The following PKHD1L1 variants were observed in gnomAD, a reference collection of about 807,000 sequenced individuals.
PKHD1L1 encodes the protein fibrocystin-L.
PKHD1L1 carries 434 observed loss-of-function variants against 462.9 expected under a neutral mutation model. That is an observed-to-expected ratio of 0.94 (90% confidence interval 0.87 to 1.02). PKHD1L1 has a LOEUF of 1.02. Ranked by LOEUF, PKHD1L1 falls within the 50% of genes least tolerant of loss-of-function variation. The pLI is 0.00. For synonymous variants in PKHD1L1, 1,781 were observed against 1,750.0 expected (o/e 1.02, Z -0.44); for missense variants, 5,202 against 5,096.1 (o/e 1.02, Z -0.63).
At chr8:109,488,567 G>A (rs1818670200) in intron 59 of PKHD1L1, among the ~76,000 whole-genome samples, 1 of 151,994 alleles carries the variant, frequency 6.6e-6, no homozygotes, top group South Asian at 2.1e-4. Flanking sequence ...GGTACTAGGA[G>A]TAGACCATCC....
At chr8:109,465,324 G>C in intron 49 of PKHD1L1, 79 bp downstream of exon 49, 1 of 1,439,192 alleles carries the variant, frequency 6.9e-7, no homozygotes, top group Non-Finnish European at 9.4e-7. Flanking sequence ...TGTTAAAGCA[G>C]ACTTAGGTGC....
intron 50 of PKHD1L1, among the ~76,000 whole-genome samples, chr8:109,468,718 G>A (rs1817571159): frequency 6.6e-6 from 1 of 152,178 alleles, no homozygotes; most frequent in African/African-American, 2.4e-5. Flanking sequence ...GGTGGGCCAT[G>A]TTAGCATGTT....
Position 109,382,572 on chromosome 8 carries a change from G to A in PKHD1L1, c.417+1G>A, listed in dbSNP as rs767214586. 8.1e-6 allele frequency: 13 copies of A among 1,604,432 alleles called. No individual in the cohort carries two copies. Among genetic ancestry groups the A allele is most frequent in the African/African-American group, 6.7e-5 (5 of 74,308 alleles). ...CAACAGCTGGGAATGTACCTTCAAC[G>A]TATGTAGGAATCTTCTCTTCAGTTT... On this transcript the variant is annotated splice_donor_variant, in intron 4 of 77. Transcript: ENST00000378402. LOFTEE classifies it high-confidence loss of function.
At chr8:109,365,476 C>T (rs1449973133) in intron 2 of PKHD1L1, among the ~76,000 whole-genome samples, 1 of 152,056 alleles carries the variant, frequency 6.6e-6, no homozygotes, top group African/African-American at 2.4e-5. Flanking sequence ...TATACTTCTA[C>T]ATTATAAACA....
intron 37 of PKHD1L1, 47 bp from the exon 38 acceptor site, chr8:109,444,614 G>A (rs769915200): frequency 6.6e-7 from 1 of 1,518,336 alleles, no homozygotes. Flanking sequence ...TGTTTATACT[G>A]GAGGTATGTA....
At chr8:109,433,782 G>A (rs1228523806) in intron 28 of PKHD1L1, among the ~76,000 whole-genome samples, 1 of 152,058 alleles carries the variant, frequency 6.6e-6, no homozygotes, top group Non-Finnish European at 1.5e-5. Flanking sequence ...AATTACATAA[G>A]TAAATTCATT....
intron 76 of PKHD1L1, among the ~76,000 whole-genome samples, chr8:109,525,341 C>T (rs1414550171): frequency 6.6e-6 from 1 of 152,210 alleles, no homozygotes; most frequent in East Asian, 1.9e-4. Context: ...CTAACAGACA[C>T]TGGGACATAT....
intron 57 of PKHD1L1, among the ~76,000 whole-genome samples, chr8:109,484,712 CTT>C (rs1377774161): frequency 1.9e-4 from 29 of 151,834 alleles, no homozygotes; most frequent in African/African-American, 7.0e-4. Context: ...AAATTCAACT[CTT>C]AATAATATTG....
At position 109,489,991 on chromosome 8, in the gene PKHD1L1, G is replaced by A; in HGVS notation, c.9920G>A (p.Gly3307Asp). 1 of 1,608,838 alleles carries A rather than the reference G, an allele frequency of 6.2e-7. No homozygotes were observed. The highest frequency in any genetic ancestry group is 8.5e-7 in the Non-Finnish European group (1 of 1,176,140). ...RISNVEFYHS[G>D]QEGFRDSTDP... ...AGTAATGTGGAATTTTATCACAGTG[G>A]TCAAGAAGGCTTCAGGGATAGCACA... is the stretch of plus-strand genomic sequence containing the variant. Residue 3307 changes from glycine to aspartate, a missense_variant, in exon 60 of 78, where the codon GGT (glycine) becomes GAT (aspartate). Coordinates refer to ENST00000378402, the MANE Select transcript of PKHD1L1 (RefSeq NM_177531.6).
chr8:109,409,257 T>C (rs187294253), intron 18 of PKHD1L1, among the ~76,000 whole-genome samples: 2 of 150,566 alleles, frequency 1.3e-5, no homozygotes, highest in Non-Finnish European at 3.0e-5. Context: ...CATGTAACCT[T>C]TTTTTTTTTC....
At chr8:109,429,844 A>G in intron 26 of PKHD1L1, 88 bp from the exon 27 acceptor site, 1 of 876,140 alleles carries the variant, frequency 1.1e-6, no homozygotes, top group South Asian at 1.5e-5. Context: ...CAAACCAACA[A>G]AATTCCATCA....
At chr8:109,362,792 AC>A in intron 1 of PKHD1L1, 139 bp downstream of exon 1, 1 of 870,366 alleles carries the variant, frequency 1.1e-6, no homozygotes, top group Non-Finnish European at 1.8e-6. Flanking sequence ...GATCCTGGGG[AC>A]CAGGGGAGCT....
At chr8:109,437,268 G>T (rs897057742) in intron 30 of PKHD1L1, among the ~76,000 whole-genome samples, 6 of 151,958 alleles carry the variant, frequency 3.9e-5, no homozygotes, top group Non-Finnish European at 7.4e-5. Context: ...TAAATTTTCA[G>T]TTTCACAAAA....
chr8:109,527,947 A>C (rs2131050812), intron 77 of PKHD1L1, among the ~76,000 whole-genome samples: 1 of 152,308 alleles, frequency 6.6e-6, no homozygotes, highest in South Asian at 2.1e-4. Context: ...TGGCCACAGC[A>C]TTCTAATTAG....
At chr8:109,454,878 G>T (rs772375832) in intron 45 of PKHD1L1, 26 bp downstream of exon 45, 14 of 1,595,584 alleles carry the variant, frequency 8.8e-6, no homozygotes, top group Admixed American at 1.7e-5. Context: ...GGCTAAGGGA[G>T]TTGGTAGAGG....
chr8:109,364,555 CAAAT>C lies in PKHD1L1; in HGVS notation c.85_88del (p.Ile29SerfsTer7), dbSNP rs1811133339. Reference sequence around the variant, plus strand: ...ATTTTAATATTTTTCAGATGGCTCTCAAATAATCCCCAAAGTCACAGAAATAATA... The same window carrying C: ...ATTTTAATATTTTTCAGATGGCTCTCAATCCCCAAAGTCACAGAAATAATA... On this transcript the variant is annotated frameshift_variant, in exon 2 of 78. Transcript: ENST00000378402. LOFTEE classifies it high-confidence loss of function. 2 of 1,588,182 alleles carry C rather than the reference CAAAT, an allele frequency of 1.3e-6. No homozygotes were observed. The highest frequency in any genetic ancestry group is 1.1e-5 in the South Asian group (1 of 88,810).
chr8:109,381,362 T>A lies in PKHD1L1; in HGVS notation c.164-8T>A, dbSNP rs559616791. Reference sequence around the variant, plus strand: ...ATTAATAATAATTAAGTCTTCTTACTTTTCCAGGTTTTTCTCAAGCAAACC... The same window carrying A: ...ATTAATAATAATTAAGTCTTCTTACATTTCCAGGTTTTTCTCAAGCAAACC... On this transcript the variant is annotated splice_region_variant and splice_polypyrimidine_tract_variant and intron_variant, in intron 2 of 77. Transcript: ENST00000378402. 1.7e-5 allele frequency: 26 copies of A among 1,557,684 alleles called. No individual in the cohort carries two copies. The South Asian group carries it at 2.1e-4, about 13-fold the overall frequency.
Position 109,504,215 on chromosome 8 carries a change from A to G in PKHD1L1, c.10829-112A>G, listed in dbSNP as rs1340664282. The G allele has an allele frequency of 6.4e-6, 4 of 622,636 alleles. No homozygotes were observed. In the African/African-American group the frequency reaches 7.7e-5, roughly 12 times the overall value. The allele number at this position is 622,636 out of a possible 1,614,324, so 38.6% of individuals were successfully genotyped here. ...AGACTTATTTACCATATCAGGCAAG[A>G]GCTCCATGTTTAAGGTAGTGACAAA... is the stretch of plus-strand genomic sequence containing the variant. On this transcript the variant is annotated intron_variant, in intron 67 of 77. Transcript: ENST00000378402.
chr8:109,419,343 G>A, intron 22 of PKHD1L1, 83 bp downstream of exon 22: 1 of 1,054,508 alleles, frequency 9.5e-7, no homozygotes, highest in Non-Finnish European at 1.3e-6. Context: ...TCTGCAGTAT[G>A]GATAGAAACA....
Sources: allele counts gnomAD v4.1 joint callset (sites outside exome capture counted in the v4.1 genomes callset), GRCh38; gene constraint gnomAD v4.1.1; transcripts MANE v1.5; gene names NCBI Gene and HGNC (gene_info 2026-07-23, HGNC 2026-07-21).